MTMR9: variants seen among roughly 807,000 people sequenced by gnomAD.
MTMR9 encodes the protein myotubularin-related protein 9.
MTMR9 carries 39 observed loss-of-function variants against 69.5 expected under a neutral mutation model. The observed-to-expected ratio is 0.56, with a 90% CI of 0.43 to 0.73. MTMR9 has a LOEUF of 0.73. MTMR9 is among the 30% of genes least tolerant of loss of function. The pLI is 0.00. For synonymous variants in MTMR9, 354 were observed against 240.8 expected, an observed-to-expected ratio of 1.47 and a Z score of -4.35; for missense variants, 900 against 671.2, an observed-to-expected ratio of 1.34 and a Z score of -3.77.
downstream of MTMR9, among the ~76,000 whole-genome samples, chr8:11,328,703 C>G (rs1411455164): frequency 6.6e-6 from 1 of 152,130 alleles, no homozygotes; most frequent in Non-Finnish European, 1.5e-5. Context: ...AATATAATCT[C>G]CAAATAGCCT....
In MTMR9 at chr8:11,326,799, T is replaced by G. The variant is rs913090737; in HGVS notation, c.*4011T>G. Reference sequence around the variant, plus strand: ...TCCTGGCTAACACGGTGAAAACCCATGTCTACTAAAAATACAAAAAATTAG... The same window carrying G: ...TCCTGGCTAACACGGTGAAAACCCAGGTCTACTAAAAATACAAAAAATTAG... On this transcript the variant is annotated 3_prime_UTR_variant, in exon 10 of 10. Coordinates refer to ENST00000221086, the MANE Select transcript of MTMR9 (RefSeq NM_015458.4). 3.3e-5 allele frequency: 5 copies of G among 152,304 alleles called. No homozygotes were observed. The highest frequency in any genetic ancestry group is 7.3e-5 in the Non-Finnish European group (5 of 68,176). 9.4% of individuals were successfully genotyped at this position (152,304 alleles called of 1,614,324 possible).
chr8:11,299,826 C>G (rs543871354), intron 2 of MTMR9, among the ~76,000 whole-genome samples, 197 bp from the exon 3 acceptor site: 11 of 97,366 alleles, frequency 1.1e-4, no homozygotes, highest in African/African-American at 4.7e-4. Flanking sequence ...GTGGCAGATG[C>G]CTTTGTTAGA....
intron 1 of MTMR9, among the ~76,000 whole-genome samples, chr8:11,287,799 ATATTATATAATAC>A (rs1799221298): frequency 7.7e-5 from 2 of 26,078 alleles, no homozygotes; most frequent in African/African-American, 1.3e-4. Flanking sequence ...TATATAATAC[ATATTATATAATAC>A]ATATAATATA....
In MTMR9 at chr8:11,322,982, T is replaced by G; in HGVS notation, c.*194T>G. 2 of 401,970 alleles carry G rather than the reference T, an allele frequency of 5.0e-6. No individual in the cohort carries two copies. Among genetic ancestry groups the G allele is most frequent in the Non-Finnish European group, 8.6e-6 (2 of 231,912 alleles). 24.9% of individuals were successfully genotyped at this position (401,970 alleles called of 1,614,324 possible). A position where few individuals can be genotyped will look rare whatever the true frequency, so the allele number is the denominator to read the frequency against. On this transcript the variant is annotated 3_prime_UTR_variant, in exon 10 of 10. Transcript: ENST00000221086. ...ATCATAAACCATGTTTCATGTGGCC[T>G]GTTAGGGCCTGTCACTTTGGGAGCC...
chr8:11,295,160 T>C, intron 1 of MTMR9, 34 bp from the exon 2 acceptor site: 1 of 1,088,252 alleles, frequency 9.2e-7, no homozygotes, highest in Non-Finnish European at 1.4e-6. Flanking sequence ...TAGTAATATA[T>C]GTGTTCCTAA....
chr8:11,332,070 A>G (rs749151859), downstream of MTMR9: 4 of 1,611,858 alleles, frequency 2.5e-6, no homozygotes, highest in African/African-American at 1.3e-5. Flanking sequence ...CAGCATTGCC[A>G]TCATTACAGC....
intron 1 of MTMR9, among the ~76,000 whole-genome samples, chr8:11,286,572 G>C (rs1188694758): frequency 6.6e-6 from 1 of 150,406 alleles, no homozygotes; most frequent in Non-Finnish European, 1.5e-5. Context: ...AGGCTGAGGC[G>C]GAAAAATCGC....
chr8:11,333,501 C>G, the MTMR9 span, among the ~76,000 whole-genome samples: 1 of 152,058 alleles, frequency 6.6e-6, no homozygotes, highest in Non-Finnish European at 1.5e-5. Context: ...ACAAGAAATG[C>G]TAAAGGGGGT....
intron 7 of MTMR9, chr8:11,315,731 C>T (rs1229586469): frequency 6.6e-6 from 1 of 152,418 alleles, no homozygotes; most frequent in Non-Finnish European, 1.5e-5. Flanking sequence ...CATGTCCACC[C>T]TGCCTGACAA....
chr8:11,309,317 C>T (rs762460167), intron 5 of MTMR9, among the ~76,000 whole-genome samples: 4 of 152,130 alleles, frequency 2.6e-5, no homozygotes, highest in Non-Finnish European at 4.4e-5. Context: ...GTAAGGAATA[C>T]GTTACCATGG....
At chr8:11,335,467 A>C in the MTMR9 span, among the ~76,000 whole-genome samples, 1 of 152,236 alleles carries the variant, frequency 6.6e-6, no homozygotes, top group Admixed American at 6.5e-5. Flanking sequence ...GGGAAGAATC[A>C]ATATTGTCAA....
intron 6 of MTMR9, among the ~76,000 whole-genome samples, chr8:11,311,832 T>C (rs1333865048): frequency 1.3e-5 from 2 of 152,020 alleles, no homozygotes; most frequent in East Asian, 1.9e-4. Flanking sequence ...GTCAGTTCTC[T>C]CAAACACTGC....
chr8:11,328,643 T>C (rs1801055348), downstream of MTMR9, among the ~76,000 whole-genome samples: 1 of 152,210 alleles, frequency 6.6e-6, no homozygotes, highest in African/African-American at 2.4e-5. Flanking sequence ...ACTTAGGCAA[T>C]GCCTAACAGT....
At chr8:11,331,546 T>C (rs1407229129), downstream of MTMR9, 5 of 1,613,452 alleles carry the variant, frequency 3.1e-6, no homozygotes, top group Admixed American at 1.7e-5. Context: ...GTCCTCACCC[T>C]CTGCCTTGAG....
In MTMR9 at chr8:11,287,651, A is replaced by G. The variant is rs1472532611; in HGVS notation, c.182+2581A>G. On this transcript the variant is annotated intron_variant, in intron 1 of 9. Transcript: ENST00000221086. ...GATGGACAATCAAGCAAGTCCAGAAATAAATATATATATTTATTAGATATA... is the reference window on the plus strand; with the variant it reads ...GATGGACAATCAAGCAAGTCCAGAAGTAAATATATATATTTATTAGATATA... Among the ~76,000 whole-genome samples the G allele has an allele frequency of 6.3e-5, 9 of 143,636 alleles. No individual in the cohort carries two copies. The Admixed American group carries it at 6.5e-4, about 10-fold the overall frequency. 94.2% of individuals were successfully genotyped at this position (143,636 alleles called of 152,430 possible).
chr8:11,315,252 T>C (rs1800367748), intron 7 of MTMR9, among the ~76,000 whole-genome samples, 188 bp downstream of exon 7: 1 of 152,218 alleles, frequency 6.6e-6, no homozygotes, highest in South Asian at 2.1e-4. Context: ...TATTCCTCAC[T>C]TGACACTTCC....
intron 3 of MTMR9, among the ~76,000 whole-genome samples, chr8:11,303,819 C>A (rs1352679022): frequency 6.6e-6 from 1 of 152,022 alleles, no homozygotes; most frequent in East Asian, 1.9e-4. Flanking sequence ...TAGGTGTGAA[C>A]CACTGTGCCC....
chr8:11,321,621 C>T, intron 9 of MTMR9: 1 of 398,340 alleles, frequency 2.5e-6, no homozygotes, highest in Non-Finnish European at 5.1e-6. Flanking sequence ...AAGAAGCTCT[C>T]TATTAGGTAA....
At chr8:11,285,107 G>C in intron 1 of MTMR9, 37 bp downstream of exon 1, 1 of 1,499,474 alleles carries the variant, frequency 6.7e-7, no homozygotes, top group Non-Finnish European at 8.9e-7. Flanking sequence ...GCAGGGAGCC[G>C]GGGGTCCCTT....
Sources: gnomAD v4.1 joint callset for allele counts (sites outside exome capture counted in the v4.1 genomes callset) on GRCh38, gnomAD v4.1.1 for gene constraint, MANE v1.5 for transcripts, NCBI Gene and HGNC (gene_info 2026-07-23, HGNC 2026-07-21) for gene names.